Variants in FAM110B observed in about 807,000 individuals in gnomAD.
FAM110B encodes family with sequence similarity 110 member B.
A neutral mutation model predicts 20.4 loss-of-function variants in FAM110B; 6 were observed. The observed-to-expected ratio is 0.29, with a 90% CI of 0.16 to 0.58. The LOEUF (loss-of-function observed/expected upper bound fraction) is 0.58. FAM110B is among the 20% of genes least tolerant of loss of function. The pLI is 0.90. For missense variants in FAM110B, 434 were observed against 498.2 expected, an observed-to-expected ratio of 0.87 and a Z score of 1.23; for synonymous variants, 226 against 214.1, an observed-to-expected ratio of 1.06 and a Z score of -0.49.
chr8:58,036,970 T>C (rs1210177788), intron 2 of FAM110B, among the ~76,000 whole-genome samples: 1 of 152,226 alleles, frequency 6.6e-6, no homozygotes. Flanking sequence ...GAGTTTCCCT[T>C]ATTGTTATCC....
At chr8:58,071,678 A>C (rs1327429862) in intron 2 of FAM110B, among the ~76,000 whole-genome samples, 1 of 152,192 alleles carries the variant, frequency 6.6e-6, no homozygotes, top group Non-Finnish European at 1.5e-5. Context: ...TACAAAATGC[A>C]TCCAAATAAC....
At chr8:58,126,205 C>G (rs1030171487) in intron 3 of FAM110B, among the ~76,000 whole-genome samples, 3 of 152,032 alleles carry the variant, frequency 2.0e-5, no homozygotes, top group Non-Finnish European at 4.4e-5. Context: ...TCAGATACAT[C>G]CCAGTCGTTG....
chr8:58,040,935 C>CTTTTTT (rs60228265), intron 2 of FAM110B, among the ~76,000 whole-genome samples: 6 of 97,348 alleles, frequency 6.2e-5, no homozygotes, highest in African/African-American at 7.7e-5. Flanking sequence ...ATGGGAAAAT[C>CTTTTTT]TTTTTTTTTT....
intron 3 of FAM110B, among the ~76,000 whole-genome samples, chr8:58,118,956 T>C (rs1472365120): frequency 6.6e-6 from 1 of 152,190 alleles, no homozygotes; most frequent in Non-Finnish European, 1.5e-5. Flanking sequence ...TTATATTACT[T>C]CAAACATTCA....
chr8:58,068,488 C>A (rs1805821154), intron 2 of FAM110B, among the ~76,000 whole-genome samples: 2 of 152,062 alleles, frequency 1.3e-5, no homozygotes. Flanking sequence ...GGATGAAATG[C>A]CCCTTTGCCA....
chr8:58,078,797 G>A (rs377106306), intron 3 of FAM110B, among the ~76,000 whole-genome samples: 17 of 151,904 alleles, frequency 1.1e-4, no homozygotes, highest in Non-Finnish European at 1.5e-4. Flanking sequence ...TGATCCGCCC[G>A]CCTCAGCCTC....
chr8:58,056,237 T>A (rs2150583071), intron 2 of FAM110B, among the ~76,000 whole-genome samples: 1 of 152,350 alleles, frequency 6.6e-6, no homozygotes, highest in Non-Finnish European at 1.5e-5. Flanking sequence ...ATAACTTTTT[T>A]AAAAACTAAA....
chr8:58,143,091 A>G (rs1328701182), intron 3 of FAM110B, among the ~76,000 whole-genome samples: 1 of 152,292 alleles, frequency 6.6e-6, no homozygotes, highest in Non-Finnish European at 1.5e-5. Flanking sequence ...GCTCTGTCCC[A>G]GCCCACACTG....
intron 3 of FAM110B, among the ~76,000 whole-genome samples, chr8:58,081,212 ATTTTTAT>A (rs1465735493): frequency 6.6e-6 from 1 of 151,930 alleles, no homozygotes; most frequent in African/African-American, 2.4e-5. Context: ...TCTTTTTCTT[ATTTTTAT>A]TTTTTGAGAC....
At chr8:58,120,754 C>G (rs189273690) in intron 3 of FAM110B, among the ~76,000 whole-genome samples, 1 of 152,282 alleles carries the variant, frequency 6.6e-6, no homozygotes, top group Admixed American at 6.5e-5. Context: ...CCTCTGGGAT[C>G]CATGAAATTC....
chr8:58,020,491 T>C (rs111483965), intron 1 of FAM110B, among the ~76,000 whole-genome samples: 22 of 152,362 alleles, frequency 1.4e-4, no homozygotes, highest in African/African-American at 5.3e-4. Flanking sequence ...ATATTCAGAT[T>C]CCTGAACATT....
intron 3 of FAM110B, among the ~76,000 whole-genome samples, chr8:58,094,758 C>T: frequency 6.6e-6 from 1 of 152,176 alleles, no homozygotes; most frequent in Admixed American, 6.5e-5. Context: ...ATGATGCTGT[C>T]CTCATAAAAT....
At chr8:58,028,052 A>G (rs1804886750) in intron 1 of FAM110B, among the ~76,000 whole-genome samples, 1 of 152,226 alleles carries the variant, frequency 6.6e-6, no homozygotes, top group Non-Finnish European at 1.5e-5. Flanking sequence ...AACATTTTGA[A>G]TTTCCAACAA....
intron 3 of FAM110B, among the ~76,000 whole-genome samples, chr8:58,105,436 G>A (rs1454277595): frequency 6.6e-6 from 1 of 152,026 alleles, no homozygotes; most frequent in East Asian, 1.9e-4. Context: ...GTAATCCCAG[G>A]TGGGGAAGAT....
chr8:58,043,633 G>A (rs1041128361), intron 2 of FAM110B, among the ~76,000 whole-genome samples: 2 of 151,988 alleles, frequency 1.3e-5, no homozygotes, highest in African/African-American at 2.4e-5. Flanking sequence ...TTTCAATCTG[G>A]AATACATCAC....
intron 2 of FAM110B, among the ~76,000 whole-genome samples, chr8:58,068,598 T>A (rs1378974812): frequency 1.6e-4 from 24 of 147,542 alleles, no homozygotes; most frequent in Non-Finnish European, 2.2e-4. Context: ...TAGCTAAAAA[T>A]AAAAAAAAAA....
intron 3 of FAM110B, among the ~76,000 whole-genome samples, chr8:58,122,992 G>A (rs1335080107): frequency 6.6e-6 from 1 of 152,194 alleles, no homozygotes; most frequent in Non-Finnish European, 1.5e-5. Flanking sequence ...GGGCTGATCA[G>A]TTTCTTCAGA....
intron 2 of FAM110B, among the ~76,000 whole-genome samples, chr8:58,063,403 T>C (rs1475981553): frequency 6.6e-6 from 1 of 152,240 alleles, no homozygotes; most frequent in African/African-American, 2.4e-5. Flanking sequence ...CCTATGTGTA[T>C]ACTCAAAGAG....
chr8:57,999,824 G>A (rs1242769159), intron 1 of FAM110B, among the ~76,000 whole-genome samples: 1 of 152,146 alleles, frequency 6.6e-6, no homozygotes, highest in Non-Finnish European at 1.5e-5. Flanking sequence ...TGGGCTTGGT[G>A]GTCTGGGAGG....
Sources: gnomAD v4.1 joint callset for allele counts (sites outside exome capture counted in the v4.1 genomes callset) on GRCh38, gnomAD v4.1.1 for gene constraint, MANE v1.5 for transcripts, NCBI Gene and HGNC (gene_info 2026-07-23, HGNC 2026-07-21) for gene names.